OGN: variants seen among roughly 807,000 people sequenced by gnomAD.
OGN encodes the protein mimecan.
Under a neutral mutation model 30.8 loss-of-function variants are expected in OGN, and 19 were observed. The ratio of observed to expected loss-of-function variants is 0.62; its 90% CI spans 0.43 to 0.90. The LOEUF (loss-of-function observed/expected upper bound fraction) is 0.90, where lower values mean the gene tolerates loss of function less well. OGN is among the 40% of genes least tolerant of loss of function. The probability of loss-of-function intolerance (pLI) is 0.00; values close to 1 mark genes in which losing one functional copy is unlikely to be tolerated. For missense variants in OGN, 283 were observed against 349.7 expected, an observed-to-expected ratio of 0.81 and a Z score of 1.52; for synonymous variants, 126 against 128.3, an observed-to-expected ratio of 0.98 and a Z score of 0.12.
At chr9:92,393,560 T>C (rs1354754053) in intron 3 of OGN, among the ~76,000 whole-genome samples, 1 of 152,196 alleles carries the variant, frequency 6.6e-6, no homozygotes, top group Non-Finnish European at 1.5e-5. Flanking sequence ...GCTTGACTTA[T>C]TAAGTTTAAT....
intron 3 of OGN, among the ~76,000 whole-genome samples, chr9:92,396,491 C>T (rs763460949): frequency 6.6e-6 from 1 of 151,880 alleles, no homozygotes; most frequent in African/African-American, 2.4e-5. Context: ...TAATACATTT[C>T]TCCTTATATA....
Position 92,386,730 on chromosome 9 carries a change from T to C in OGN, c.631-434A>G, listed in dbSNP as rs532678915. On this transcript the variant is annotated intron_variant, in intron 5 of 6. Coordinates refer to ENST00000375561, the MANE Select transcript of OGN (RefSeq NM_014057.5). ...TTCCACCAATTTCTAGCTAAGTGGT[T>C]ACTTCTTAGAAATGTGTGTGCTTGT... Among the ~76,000 whole-genome samples, 9 of 152,262 alleles carry C rather than the reference T, an allele frequency of 5.9e-5. No homozygotes were observed. In the East Asian group the frequency reaches 1.7e-3, roughly 29 times the overall value.
intron 3 of OGN, among the ~76,000 whole-genome samples, chr9:92,393,871 G>A (rs1288988038): frequency 6.6e-6 from 1 of 152,032 alleles, no homozygotes; most frequent in Non-Finnish European, 1.5e-5. Flanking sequence ...TTTTTGGCAG[G>A]AGTACCATGG....
At chr9:92,402,673 T>C (rs1843166399) in intron 2 of OGN, among the ~76,000 whole-genome samples, 2 of 152,180 alleles carry the variant, frequency 1.3e-5, no homozygotes, top group Non-Finnish European at 2.9e-5. Context: ...TGATAGAGGG[T>C]CTAAACTGTT....
intron 4 of OGN, among the ~76,000 whole-genome samples, chr9:92,392,667 A>G (rs1842736181): frequency 6.6e-6 from 1 of 152,138 alleles, no homozygotes; most frequent in Non-Finnish European, 1.5e-5. Flanking sequence ...TATTTTTAAT[A>G]TGCAGCCAGG....
intron 3 of OGN, among the ~76,000 whole-genome samples, chr9:92,397,434 C>T (rs1225787521): frequency 6.6e-6 from 1 of 152,134 alleles, no homozygotes; most frequent in African/African-American, 2.4e-5. Context: ...CCAAGTGATG[C>T]TCCCACCTCA....
intron 2 of OGN, among the ~76,000 whole-genome samples, chr9:92,402,988 TTTTC>T (rs1318854226): frequency 3.3e-5 from 5 of 152,188 alleles, no homozygotes; most frequent in African/African-American, 7.2e-5. Context: ...TAAAGTCTAG[TTTTC>T]TTTAAGTTTT....
rs1331036786 is a variant in OGN at position 92,384,017 on chromosome 9, A to G, written c.*1603T>C. 2.0e-5 allele frequency: 3 copies of G among 152,188 alleles called. No homozygotes were observed. The highest frequency in any genetic ancestry group is 4.4e-5 in the Non-Finnish European group (3 of 68,018). 9.4% of individuals were successfully genotyped at this position (152,188 alleles called of 1,614,324 possible). A position where few individuals can be genotyped will look rare whatever the true frequency, so the allele number is the denominator to read the frequency against. On this transcript the variant is annotated 3_prime_UTR_variant, in exon 7 of 7. Transcript: ENST00000375561. Reference sequence around the variant, plus strand: ...CAATATTTATTATATATTCAATTCAAATGTACTCACTATTGTGCTAGGCAA... The same window carrying G: ...CAATATTTATTATATATTCAATTCAGATGTACTCACTATTGTGCTAGGCAA...
chr9:92,392,346 G>A (rs755472289), intron 4 of OGN, among the ~76,000 whole-genome samples: 2 of 152,136 alleles, frequency 1.3e-5, no homozygotes, highest in South Asian at 2.1e-4. Context: ...CTTCCCTGCC[G>A]GGCATGGTGG....
chr9:92,404,514 G>GT lies in OGN; in HGVS notation c.-95dup. ...AGCCTACCGTTGTAGCTGTTTTGAA[G>GT]TTTTTTGTGGTTTTCCTCAATAGAT... On this transcript the variant is annotated 5_prime_UTR_variant, in exon 1 of 7. The change abolishes the stop of an existing upstream ORF in the 5' untranslated region. Transcript: ENST00000375561. 3 of 1,294,582 alleles carry GT rather than the reference G, an allele frequency of 2.3e-6. No individual in the cohort carries two copies. The highest frequency in any genetic ancestry group is 1.0e-6 in the Non-Finnish European group (1 of 986,904). 80.2% of individuals were successfully genotyped at this position (1,294,582 alleles called of 1,614,324 possible).
chr9:92,394,738 G>A (rs979004308), intron 3 of OGN, among the ~76,000 whole-genome samples: 1 of 151,152 alleles, frequency 6.6e-6, no homozygotes, highest in Non-Finnish European at 1.5e-5. Flanking sequence ...CCAAGTATCC[G>A]GGATTACAGG....
intron 4 of OGN, 84 bp from the exon 5 acceptor site, chr9:92,390,140 C>A (rs1842612602): frequency 2.6e-6 from 2 of 779,744 alleles, no homozygotes; most frequent in South Asian, 3.5e-5. Flanking sequence ...TTTAACAGAT[C>A]ACTCAAGCAT....
At chr9:92,396,278 G>A (rs1215657895) in intron 3 of OGN, among the ~76,000 whole-genome samples, 2 of 151,770 alleles carry the variant, frequency 1.3e-5, no homozygotes, top group African/African-American at 4.8e-5. Context: ...TAACAGTCTT[G>A]TTAGTATAAA....
At chr9:92,395,114 C>T (rs554647123) in intron 3 of OGN, among the ~76,000 whole-genome samples, 1 of 152,114 alleles carries the variant, frequency 6.6e-6, no homozygotes, top group South Asian at 2.1e-4. Flanking sequence ...CATATGTACA[C>T]CCCCATGAAA....
At chr9:92,400,266 C>T (rs1843055665) in intron 3 of OGN, among the ~76,000 whole-genome samples, 1 of 152,150 alleles carries the variant, frequency 6.6e-6, no homozygotes, top group South Asian at 2.1e-4. Context: ...TTCTCTGCCT[C>T]AGCTTCCCGA....
chr9:92,403,309 A>G lies in OGN; in HGVS notation c.99T>C (p.Tyr33=), dbSNP rs910599655. 1 of 1,612,594 alleles carries G rather than the reference A, an allele frequency of 6.2e-7. No individual in the cohort carries two copies. Among genetic ancestry groups the G allele is most frequent in the Admixed American group, 1.7e-5 (1 of 59,986 alleles). Residue 33 remains tyrosine, a synonymous_variant, in exon 2 of 7, where the codon TAT becomes TAC. Coordinates refer to ENST00000375561, the MANE Select transcript of OGN (RefSeq NM_014057.5). ...TQQDSRIIYD[Y]GTDNFEESIF... ...TGGATTCTTCAAAATTATCTGTTCC[A>G]TAATCATAGATAATGCGTGAGTCCT...
chr9:92,389,652 TTATG>T, intron 5 of OGN, 198 bp downstream of exon 5: 2 of 429,558 alleles, frequency 4.7e-6, no homozygotes, highest in Non-Finnish European at 8.2e-6. Flanking sequence ...AAAATAAAGG[TTATG>T]TATTTTAACT....
At chr9:92,388,198 G>A (rs1842514229) in intron 5 of OGN, among the ~76,000 whole-genome samples, 1 of 151,598 alleles carries the variant, frequency 6.6e-6, no homozygotes, top group African/African-American at 2.4e-5. Context: ...TTGCTCTGTG[G>A]CCCAGGCTGG....
rs1588102585 is a variant in OGN, at chr9:92,401,918, C to T, written c.175-733G>A. 2.6e-5 allele frequency among the ~76,000 whole-genome samples: 4 copies of T among 152,282 alleles called. 1 individual carries two copies. In the Middle Eastern group the frequency reaches 0.01, roughly 388 times the overall value. ...TTCCATTTTAGTCTCGGTCTTGACT[C>T]CTGACTCTGCCCTTCACCTTCATTC... On this transcript the variant is annotated intron_variant, in intron 2 of 6. Transcript: ENST00000375561.
Sources: gnomAD v4.1 joint callset for allele counts (sites outside exome capture counted in the v4.1 genomes callset) on GRCh38, gnomAD v4.1.1 for gene constraint, MANE v1.5 for transcripts, NCBI Gene and HGNC (gene_info 2026-07-23, HGNC 2026-07-21) for gene names.